NAALADL2: variants seen among roughly 807,000 people sequenced by gnomAD.
NAALADL2 encodes inactive N-acetylated-alpha-linked acidic dipeptidase-like protein 2.
NAALADL2 carries 76 observed loss-of-function variants against 87.2 expected under a neutral mutation model. That is an observed-to-expected ratio of 0.87 (90% CI 0.72 to 1.05). NAALADL2 has a LOEUF of 1.05. NAALADL2 is among the 50% of genes least tolerant of loss of function. The probability of loss-of-function intolerance (pLI) is 0.00; values close to 1 mark genes in which losing one functional copy is unlikely to be tolerated. For missense variants in NAALADL2, 1,089 were observed against 945.8 expected (o/e 1.15, Z -1.99); for synonymous variants, 354 against 331.0 (o/e 1.07, Z -0.75).
chr3:175,197,795 T>C lies in NAALADL2; in HGVS notation c.546-36136T>C, dbSNP rs573031842. Among the ~76,000 whole-genome samples, 490 of 151,998 alleles carry C rather than the reference T, an allele frequency of 3.2e-3. 3 individuals are homozygous for C. Among genetic ancestry groups the C allele is most frequent in the African/African-American group, 0.011 (465 of 41,474 alleles). ...CATGGGAGGTGTCAGGAAGCTCTTA[T>C]AGAGAAGTATGGAATTGAGAGTAAA... is the stretch of plus-strand genomic sequence containing the variant. On this transcript the variant is annotated intron_variant, in intron 2 of 13. Transcript: ENST00000454872.
intron 9 of NAALADL2, among the ~76,000 whole-genome samples, chr3:175,479,388 T>C (rs1304646667): frequency 1.3e-5 from 2 of 151,988 alleles, no homozygotes; most frequent in East Asian, 3.9e-4. Context: ...GTATGTTATC[T>C]TGCATTATAA....
At chr3:175,637,930 T>C (rs540670689) in intron 11 of NAALADL2, among the ~76,000 whole-genome samples, 2 of 152,258 alleles carry the variant, frequency 1.3e-5, no homozygotes, top group Admixed American at 6.5e-5. Flanking sequence ...AGATATTACA[T>C]TAGTTGCCAT....
At chr3:174,629,283 T>G (rs1408477726) in intron 2 of NAALADL2, among the ~76,000 whole-genome samples, 1 of 152,210 alleles carries the variant, frequency 6.6e-6, no homozygotes, top group Admixed American at 6.5e-5. Flanking sequence ...TCGAGGGGTA[T>G]GACATTTAGT....
At chr3:174,618,958 C>T (rs541566) in intron 2 of NAALADL2, among the ~76,000 whole-genome samples, 90,976 of 151,676 alleles carry the variant, frequency 0.6, 27,890 homozygotes, top group East Asian at 0.87. Context: ...GTACATGAAC[C>T]TTTCAATGGT....
chr3:175,000,824 T>C (rs546422747), intron 1 of NAALADL2, among the ~76,000 whole-genome samples: 46 of 152,326 alleles, frequency 3.0e-4, no homozygotes, highest in African/African-American at 1.1e-3. Flanking sequence ...TCCTTAAAAC[T>C]ACCATGAGAG....
chr3:175,609,783 A>G (rs930323867), intron 10 of NAALADL2, among the ~76,000 whole-genome samples: 6 of 152,058 alleles, frequency 3.9e-5, no homozygotes, highest in African/African-American at 1.4e-4. Flanking sequence ...CTCCCTTCCA[A>G]CTGCTAGTCA....
intron 3 of NAALADL2, among the ~76,000 whole-genome samples, chr3:174,851,368 A>G (rs1256293259): frequency 2.6e-4 from 39 of 151,298 alleles, no homozygotes; most frequent in East Asian, 9.7e-4. Context: ...AGACTAAAAA[A>G]AAAAAAAAAA....
intron 1 of NAALADL2, among the ~76,000 whole-genome samples, chr3:174,499,085 A>G (rs1718725675): frequency 6.6e-6 from 1 of 152,078 alleles, no homozygotes; most frequent in African/African-American, 2.4e-5. Flanking sequence ...TATAAATTAA[A>G]CTTTATTATA....
intron 3 of NAALADL2, among the ~76,000 whole-genome samples, chr3:174,806,383 T>A (rs1257488656): frequency 6.6e-6 from 1 of 152,150 alleles, no homozygotes; most frequent in African/African-American, 2.4e-5. Context: ...TATTTCTTTG[T>A]AAGTCGGTCA....
At chr3:175,611,612 A>G (rs1724661714) in intron 10 of NAALADL2, among the ~76,000 whole-genome samples, 1 of 152,154 alleles carries the variant, frequency 6.6e-6, no homozygotes, top group African/African-American at 2.4e-5. Flanking sequence ...TTTCACTGTC[A>G]TTAAATTAGG....
chr3:175,371,470 T>C (rs1485053179), intron 5 of NAALADL2, among the ~76,000 whole-genome samples: 1 of 152,016 alleles, frequency 6.6e-6, no homozygotes, highest in Non-Finnish European at 1.5e-5. Context: ...GGTTTCACCG[T>C]GTTAGTCAAG....
chr3:175,261,387 T>A (rs966403636), intron 4 of NAALADL2, among the ~76,000 whole-genome samples: 1 of 152,134 alleles, frequency 6.6e-6, no homozygotes, highest in African/African-American at 2.4e-5. Flanking sequence ...ACAAGACAAC[T>A]AGAAATCAAG....
At chr3:174,848,985 G>T (rs1724940887) in intron 3 of NAALADL2, among the ~76,000 whole-genome samples, 1 of 152,128 alleles carries the variant, frequency 6.6e-6, no homozygotes, top group South Asian at 2.1e-4. Flanking sequence ...ACGATGGTAA[G>T]TGTTTGTATA....
At chr3:174,919,225 A>G (rs1007813737) in intron 1 of NAALADL2, among the ~76,000 whole-genome samples, 2 of 152,086 alleles carry the variant, frequency 1.3e-5, no homozygotes, top group Non-Finnish European at 2.9e-5. Flanking sequence ...TAAAACAATA[A>G]AGATTGCCAC....
intron 3 of NAALADL2, among the ~76,000 whole-genome samples, chr3:174,763,829 C>CAAAAAAAAAA (rs5854592): frequency 2.9e-5 from 4 of 138,162 alleles, no homozygotes; most frequent in Non-Finnish European, 3.2e-5. Context: ...CAAAACAAAA[C>CAAAAAAAAAA]AAAAAAAAAA....
At chr3:174,919,031 A>G (rs1255299608) in intron 1 of NAALADL2, among the ~76,000 whole-genome samples, 1 of 152,062 alleles carries the variant, frequency 6.6e-6, no homozygotes, top group South Asian at 2.1e-4. Flanking sequence ...AGGGTACAAT[A>G]TCATTGTGTC....
At chr3:175,291,723 C>G (rs1755661951) in intron 4 of NAALADL2, among the ~76,000 whole-genome samples, 1 of 152,032 alleles carries the variant, frequency 6.6e-6, no homozygotes, top group Admixed American at 6.6e-5. Flanking sequence ...AGAATATCCA[C>G]TAATGCAATT....
intron 2 of NAALADL2, among the ~76,000 whole-genome samples, chr3:175,176,520 A>G (rs1735714384): frequency 6.6e-6 from 1 of 152,104 alleles, no homozygotes; most frequent in South Asian, 2.1e-4. Context: ...CTGTGAATAT[A>G]TTACCTTGCA....
chr3:174,994,487 A>C (rs1221750155), intron 1 of NAALADL2, among the ~76,000 whole-genome samples: 2 of 152,216 alleles, frequency 1.3e-5, no homozygotes, highest in African/African-American at 2.4e-5. Context: ...ATTTTTTTGA[A>C]TAATTACCTC....
Sources: gnomAD v4.1 joint callset for allele counts (sites outside exome capture counted in the v4.1 genomes callset) on GRCh38, gnomAD v4.1.1 for gene constraint, MANE v1.5 for transcripts, NCBI Gene and HGNC (gene_info 2026-07-23, HGNC 2026-07-21) for gene names.